Variants in GADL1 observed in about 807,000 individuals in gnomAD.
GADL1 encodes the protein GAD like acidic amino acid decarboxylase 1, also known as acidic amino acid decarboxylase GADL1.
GADL1 carries 71 observed loss-of-function variants against 69.5 expected under a neutral mutation model. That is an observed-to-expected ratio of 1.02 (90% CI 0.84 to 1.25). GADL1 has a LOEUF of 1.25. Ranked by LOEUF, GADL1 falls within the 50% of genes most tolerant of loss-of-function variation. The pLI, the probability that GADL1 is intolerant of heterozygous loss-of-function variation, is 0.00. For missense variants in GADL1, 737 were observed against 631.8 expected (o/e 1.17, Z -1.79); for synonymous variants, 254 against 214.4 (o/e 1.18, Z -1.62).
At chr3:30,801,186 G>T in intron 11 of GADL1, 98 bp from the exon 12 acceptor site, 1 of 853,704 alleles carries the variant, frequency 1.2e-6, no homozygotes, top group Non-Finnish European at 1.9e-6. Flanking sequence ...TATTCTACCT[G>T]TGCCAAGTGT....
chr3:30,822,831 C>T (rs871155), intron 11 of GADL1, among the ~76,000 whole-genome samples: 63,617 of 151,708 alleles, frequency 0.42, 14,049 homozygotes, highest in East Asian at 0.65. Flanking sequence ...TAAATAATAG[C>T]ATATGTTTGC....
At chr3:30,884,775 T>C (rs1031474008) in intron 1 of GADL1, among the ~76,000 whole-genome samples, 4 of 152,128 alleles carry the variant, frequency 2.6e-5, no homozygotes, top group African/African-American at 9.7e-5. Context: ...TGCATATGTA[T>C]ACATATAATT....
chr3:30,787,947 A>G (rs1441546883), intron 12 of GADL1, among the ~76,000 whole-genome samples: 1 of 152,166 alleles, frequency 6.6e-6, no homozygotes, highest in Non-Finnish European at 1.5e-5. Flanking sequence ...TGATGTTTGT[A>G]TATTTCAAAG....
At chr3:30,843,203 C>G (rs915918373) in intron 8 of GADL1, among the ~76,000 whole-genome samples, 9 of 151,496 alleles carry the variant, frequency 5.9e-5, no homozygotes, top group Non-Finnish European at 1.2e-4. Flanking sequence ...AGCAGCAAAT[C>G]TAGCAGGCTT....
rs567599492 is a variant in GADL1 at position 30,830,936 on chromosome 3, TTCTC to T, written c.1050+2913_1050+2916del. On this transcript the variant is annotated intron_variant, in intron 11 of 14. Coordinates refer to ENST00000282538, the MANE Select transcript of GADL1 (RefSeq NM_207359.3). ...ATCAGGATGATTACATGACACCTGC[TTCTC>T]TCTCATCTCCCATAATTGATAATTG... Among the ~76,000 whole-genome samples the T allele has an allele frequency of 4.6e-3, 697 of 152,042 alleles. 9 individuals carry two copies. Among genetic ancestry groups the T allele is most frequent in the African/African-American group, 0.016 (646 of 41,512 alleles).
chr3:30,785,364 AAAG>A (rs1696765565), intron 13 of GADL1, among the ~76,000 whole-genome samples: 1 of 147,272 alleles, frequency 6.8e-6, no homozygotes, highest in Non-Finnish European at 1.5e-5. Context: ...AAATACCAAA[AAAG>A]CTAGATTTCT....
chr3:30,819,522 G>T (rs1697534370), intron 11 of GADL1, among the ~76,000 whole-genome samples: 1 of 151,974 alleles, frequency 6.6e-6, no homozygotes. Flanking sequence ...AACTAACATG[G>T]TTATTACAGA....
chr3:30,828,415 A>G (rs1022819157), intron 11 of GADL1, among the ~76,000 whole-genome samples: 2 of 149,520 alleles, frequency 1.3e-5, no homozygotes, highest in South Asian at 4.3e-4. Flanking sequence ...GCACATCCTC[A>G]ATAACTATGT....
At chr3:30,870,956 C>T (rs562941481) in intron 1 of GADL1, among the ~76,000 whole-genome samples, 17 of 151,304 alleles carry the variant, frequency 1.1e-4, no homozygotes, top group African/African-American at 4.1e-4. Context: ...TTGACAAATT[C>T]ATAGGAATTG....
At chr3:30,754,793 C>T (rs1695928857) in intron 14 of GADL1, among the ~76,000 whole-genome samples, 2 of 152,020 alleles carry the variant, frequency 1.3e-5, no homozygotes, top group African/African-American at 4.8e-5. Context: ...ATGTAATTAC[C>T]CAGCATGTTT....
chr3:30,885,008 T>C (rs1575248212), intron 1 of GADL1, among the ~76,000 whole-genome samples: 1 of 152,054 alleles, frequency 6.6e-6, no homozygotes, highest in East Asian at 1.9e-4. Context: ...ACTTTGTTTT[T>C]CCCCTTTGCT....
chr3:30,803,303 G>T (rs1345441733), intron 11 of GADL1, among the ~76,000 whole-genome samples: 1 of 152,084 alleles, frequency 6.6e-6, no homozygotes. Flanking sequence ...CAGGAAATTT[G>T]GTTGTTTCCA....
At chr3:30,782,850 A>C (rs1248488827) in intron 13 of GADL1, among the ~76,000 whole-genome samples, 1 of 152,202 alleles carries the variant, frequency 6.6e-6, no homozygotes, top group Non-Finnish European at 1.5e-5. Flanking sequence ...AATGGGTAAC[A>C]TACAATGCTA....
chr3:30,731,271 A>G (rs139544147), intron 14 of GADL1, among the ~76,000 whole-genome samples: 6 of 152,346 alleles, frequency 3.9e-5, no homozygotes, highest in Admixed American at 3.9e-4. Context: ...TCTGGCTTGT[A>G]GCCAATTTTA....
intron 1 of GADL1, among the ~76,000 whole-genome samples, chr3:30,891,212 G>A (rs1329170488): frequency 6.6e-6 from 1 of 152,068 alleles, no homozygotes; most frequent in East Asian, 1.9e-4. Context: ...CATCCCTTGG[G>A]ATGCTGCCCT....
chr3:30,745,937 C>G (rs1695695941), intron 14 of GADL1, among the ~76,000 whole-genome samples: 4 of 151,326 alleles, frequency 2.6e-5, no homozygotes. Flanking sequence ...TTCTCCTTCC[C>G]CTTCCCCCTC....
At chr3:30,756,864 G>A (rs79811975) in intron 14 of GADL1, among the ~76,000 whole-genome samples, 1,584 of 148,224 alleles carry the variant, frequency 0.011, 12 homozygotes, top group Non-Finnish European at 0.019. Context: ...AGGAAAGATA[G>A]GCTTGATTGT....
At chr3:30,788,658 C>T (rs77167074) in intron 12 of GADL1, among the ~76,000 whole-genome samples, 2,932 of 152,304 alleles carry the variant, frequency 0.019, 41 homozygotes, top group Non-Finnish European at 0.028. Flanking sequence ...AACAGAACTT[C>T]TTTCAAAATT....
chr3:30,786,378 C>G lies in GADL1; in HGVS notation c.1279G>C (p.Glu427Gln). 6.4e-7 allele frequency: 1 copy of G among 1,556,900 alleles called. No individual in the cohort carries two copies. Among genetic ancestry groups the G allele is most frequent in the South Asian group, 1.1e-5 (1 of 89,628 alleles). The change falls in exon 13 of 15, where the codon GAA becomes CAA. Residue 427 changes from glutamate (E) to glutamine (Q), a missense_variant. Transcript: ENST00000282538. ...RYLVDEIKKR[E>Q]GFKLLMEPEY... ...ACTTCCATCAGTAACTTGAATCCTT[C>G]TCTTTTCTTGATTTCATCTACTAGG... is the stretch of plus-strand genomic sequence containing the variant.
Sources: allele counts gnomAD v4.1 joint callset (sites outside exome capture counted in the v4.1 genomes callset), GRCh38; gene constraint gnomAD v4.1.1; transcripts MANE v1.5; gene names NCBI Gene and HGNC (gene_info 2026-07-23, HGNC 2026-07-21).